SLC9C1: variants seen among roughly 807,000 people sequenced by gnomAD.
SLC9C1 encodes solute carrier family 9 member C1.
Under a neutral mutation model 140.9 loss-of-function variants are expected in SLC9C1, and 97 were observed. The observed-to-expected ratio is 0.69, with a 90% CI of 0.58 to 0.82. SLC9C1 has a LOEUF of 0.82. Among genes scored for constraint, SLC9C1 ranks in the 40% least tolerant of loss-of-function variants. SLC9C1 has a pLI of 0.00. For missense variants in SLC9C1, 1,340 were observed against 1,389.3 expected, an observed-to-expected ratio of 0.96 and a Z score of 0.56; for synonymous variants, 440 against 442.6, an observed-to-expected ratio of 0.99 and a Z score of 0.07.
intron 28 of SLC9C1, among the ~76,000 whole-genome samples, chr3:112,142,633 A>T (rs965181516): frequency 3.3e-5 from 5 of 152,190 alleles, no homozygotes; most frequent in African/African-American, 4.8e-5. Flanking sequence ...ATTAAACATT[A>T]CCTAAATCAT....
At chr3:112,289,887 C>T (rs998406191) in intron 1 of SLC9C1, among the ~76,000 whole-genome samples, 2 of 152,190 alleles carry the variant, frequency 1.3e-5, no homozygotes, top group Admixed American at 6.5e-5. Flanking sequence ...CTTGGCCACA[C>T]ATGGAATCAC....
chr3:112,147,827 G>A (rs758510599), intron 28 of SLC9C1, among the ~76,000 whole-genome samples: 4 of 152,166 alleles, frequency 2.6e-5, no homozygotes, highest in African/African-American at 4.8e-5. Flanking sequence ...CAAGATTAAA[G>A]AAGTTTTCTT....
intron 11 of SLC9C1, among the ~76,000 whole-genome samples, chr3:112,242,492 T>C (rs984841053): frequency 4.6e-5 from 7 of 152,010 alleles, no homozygotes; most frequent in African/African-American, 1.5e-4. Context: ...ATTAAACTTA[T>C]GGAGATAGAG....
In SLC9C1 at chr3:112,231,347, G is replaced by GAATA; in HGVS notation, c.1572+10_1572+13dup. ...TTTGGCCAAACATAATTTCAAAAGA[G>GAATA]AATAATACAGTACTATTTGTGCTGA... On this transcript the variant is annotated intron_variant, in intron 13 of 28. Transcript: ENST00000305815. The GAATA allele has an allele frequency of 6.2e-7, 1 of 1,611,716 alleles. No homozygotes were observed. The highest frequency in any genetic ancestry group is 8.5e-7 in the Non-Finnish European group (1 of 1,179,156).
At chr3:112,266,048 C>T (rs906380480) in intron 8 of SLC9C1, among the ~76,000 whole-genome samples, 190 bp downstream of exon 8, 2 of 151,746 alleles carry the variant, frequency 1.3e-5, no homozygotes, top group Admixed American at 6.6e-5. Flanking sequence ...GGTAAGGTTA[C>T]GAATTTGCTT....
intron 10 of SLC9C1, among the ~76,000 whole-genome samples, chr3:112,251,337 C>T (rs1182863126): frequency 6.6e-6 from 1 of 152,106 alleles, no homozygotes; most frequent in Non-Finnish European, 1.5e-5. Flanking sequence ...GGCACCCATT[C>T]TTCTCCCATG....
At chr3:112,269,636 A>G (rs1228577454) in intron 7 of SLC9C1, among the ~76,000 whole-genome samples, 1 of 152,160 alleles carries the variant, frequency 6.6e-6, no homozygotes, top group Non-Finnish European at 1.5e-5. Context: ...TCAATTAGTC[A>G]TGAAATTCTC....
At chr3:112,285,248 T>C (rs892854427) in intron 2 of SLC9C1, among the ~76,000 whole-genome samples, 2 of 151,996 alleles carry the variant, frequency 1.3e-5, no homozygotes, top group Non-Finnish European at 2.9e-5. Flanking sequence ...CAGGAGAGGT[T>C]TTTGTTTTGA....
At chr3:112,207,989 G>C (rs935692175) in intron 16 of SLC9C1, among the ~76,000 whole-genome samples, 189 bp downstream of exon 16, 2 of 152,134 alleles carry the variant, frequency 1.3e-5, no homozygotes, top group African/African-American at 4.8e-5. Context: ...CAAAATCAGT[G>C]CTTCAAGTAT....
In SLC9C1 at chr3:112,221,280, T is replaced by C. The variant is rs1371246688; in HGVS notation, c.1573-55A>G. ...TAGCATGAATAACGATGACAACTTA[T>C]TACAATCTTGATGGGAAAAATGTGT... On this transcript the variant is annotated intron_variant, in intron 13 of 28. Transcript: ENST00000305815. 35 of 1,445,288 alleles carry C rather than the reference T, an allele frequency of 2.4e-5. No homozygotes were observed. In the East Asian group the frequency reaches 7.4e-4, roughly 31 times the overall value. The allele number at this position is 1,445,288 out of a possible 1,614,324, so 89.5% of individuals were successfully genotyped here. A position where few individuals can be genotyped will look rare whatever the true frequency, so the allele number is the denominator to read the frequency against.
Position 112,202,292 on chromosome 3 carries a change from C to CA in SLC9C1, c.2279dup (p.Met760IlefsTer5), listed in dbSNP as rs774911683. ...AACTTGTAATCTGATCAATTATGGTCATTATGTCTGCTTCGCCTTGGACAT... is the reference window on the plus strand; with the variant it reads ...AACTTGTAATCTGATCAATTATGGTCAATTATGTCTGCTTCGCCTTGGACAT... On this transcript the variant is annotated frameshift_variant, in exon 18 of 29. Transcript: ENST00000305815. LOFTEE classifies it high-confidence loss of function. 1.9e-6 allele frequency: 3 copies of CA among 1,611,522 alleles called. No homozygotes were observed. In the Admixed American group the frequency reaches 5.0e-5, roughly 27 times the overall value.
At chr3:112,210,032 T>A (rs1018491665) in intron 15 of SLC9C1, among the ~76,000 whole-genome samples, 1 of 152,154 alleles carries the variant, frequency 6.6e-6, no homozygotes, top group African/African-American at 2.4e-5. Flanking sequence ...GTTACAACAA[T>A]CTTGAAAAAG....
At chr3:112,209,346 C>A (rs892938494) in intron 15 of SLC9C1, among the ~76,000 whole-genome samples, 1 of 152,160 alleles carries the variant, frequency 6.6e-6, no homozygotes, top group Non-Finnish European at 1.5e-5. Flanking sequence ...TTTGTGATAA[C>A]CTCTCTGTCC....
At chr3:112,149,192 T>C (rs1470143886) in intron 28 of SLC9C1, among the ~76,000 whole-genome samples, 1 of 152,100 alleles carries the variant, frequency 6.6e-6, no homozygotes, top group Non-Finnish European at 1.5e-5. Context: ...AGGCTGCTGA[T>C]CCAGTGAGTG....
At chr3:112,238,458 G>A (rs1350813568) in intron 12 of SLC9C1, among the ~76,000 whole-genome samples, 7 of 152,130 alleles carry the variant, frequency 4.6e-5, no homozygotes, top group South Asian at 4.1e-4. Flanking sequence ...CTCTCAACTC[G>A]TCATATTCAT....
chr3:112,169,991 T>C (rs1285794159), intron 23 of SLC9C1, among the ~76,000 whole-genome samples: 1 of 151,856 alleles, frequency 6.6e-6, no homozygotes, highest in African/African-American at 2.4e-5. Context: ...AAAAATCAAC[T>C]CAACATGGAT....
chr3:112,260,485 G>A (rs1425399204), intron 10 of SLC9C1, among the ~76,000 whole-genome samples: 1 of 151,870 alleles, frequency 6.6e-6, no homozygotes. Context: ...TTCTTCACAT[G>A]CATAGTAATA....
chr3:112,214,487 A>C (rs1462416213), intron 15 of SLC9C1, among the ~76,000 whole-genome samples: 2 of 152,240 alleles, frequency 1.3e-5, no homozygotes, highest in Non-Finnish European at 2.9e-5. Flanking sequence ...AGGAAAAGAC[A>C]AAAGAATCAA....
intron 14 of SLC9C1, among the ~76,000 whole-genome samples, chr3:112,218,296 T>G (rs1164274301): frequency 1.3e-5 from 2 of 152,122 alleles, no homozygotes; most frequent in Admixed American, 6.6e-5. Flanking sequence ...TTCATCGTCA[T>G]GATCAGAAGG....
Sources: gnomAD v4.1 joint callset for allele counts (sites outside exome capture counted in the v4.1 genomes callset) on GRCh38, gnomAD v4.1.1 for gene constraint, MANE v1.5 for transcripts, NCBI Gene and HGNC (gene_info 2026-07-23, HGNC 2026-07-21) for gene names.